Variants in ABCB1 observed in about 807,000 individuals in gnomAD.
ABCB1 encodes the protein ATP binding cassette subfamily B member 1, also known as ATP-dependent translocase ABCB1.
ABCB1 carries 69 observed loss-of-function variants against 142.0 expected under a neutral mutation model. That is an observed-to-expected ratio of 0.49 (90% CI 0.40 to 0.59). The LOEUF (loss-of-function observed/expected upper bound fraction) is 0.59. Among genes scored for constraint, ABCB1 ranks in the 20% least tolerant of loss-of-function variants. The pLI, the probability that ABCB1 is intolerant of heterozygous loss-of-function variation, is 0.00. For synonymous variants in ABCB1, 532 were observed against 539.2 expected, an observed-to-expected ratio of 0.99 and a Z score of 0.18; for missense variants, 1,326 against 1,554.7, an observed-to-expected ratio of 0.85 and a Z score of 2.47.
chr7:87,636,710 G>GT (rs1821811857), intron 1 of ABCB1, among the ~76,000 whole-genome samples: 1 of 152,042 alleles, frequency 6.6e-6, no homozygotes, highest in South Asian at 2.1e-4. Context: ...TCCATCTGTA[G>GT]TTTATTTATG....
chr7:87,570,930 T>C (rs1487734932), intron 4 of ABCB1, among the ~76,000 whole-genome samples: 1 of 152,220 alleles, frequency 6.6e-6, no homozygotes, highest in East Asian at 1.9e-4. Flanking sequence ...AATTTTTTCC[T>C]GTCAGTATAT....
At chr7:87,654,110 C>T (rs1413893696) in intron 1 of ABCB1, among the ~76,000 whole-genome samples, 1 of 151,826 alleles carries the variant, frequency 6.6e-6, no homozygotes, top group East Asian at 1.9e-4. Context: ...TATATGTGTT[C>T]ATAGATTGAA....
intron 25 of ABCB1, among the ~76,000 whole-genome samples, chr7:87,511,060 A>G (rs1201079760): frequency 3.3e-5 from 5 of 152,222 alleles, no homozygotes; most frequent in African/African-American, 2.4e-5. Context: ...GCAAATCTGA[A>G]TGATCTCAGC....
chr7:87,596,102 A>T (rs1447903880), intron 2 of ABCB1, among the ~76,000 whole-genome samples: 1 of 152,062 alleles, frequency 6.6e-6, no homozygotes, highest in Admixed American at 6.5e-5. Context: ...TGATGAATAC[A>T]TACATACACC....
intron 2 of ABCB1, among the ~76,000 whole-genome samples, chr7:87,596,506 G>C (rs1233493542): frequency 2.0e-5 from 3 of 152,024 alleles, no homozygotes; most frequent in East Asian, 3.8e-4. Flanking sequence ...TTTGAGCCCA[G>C]ATACAAATGA....
intron 7 of ABCB1, among the ~76,000 whole-genome samples, chr7:87,564,422 G>C (rs1474581476): frequency 1.3e-5 from 2 of 152,160 alleles, no homozygotes; most frequent in Non-Finnish European, 2.9e-5. Flanking sequence ...GTCGGGAAGA[G>C]TGTGGTGGTT....
intron 14 of ABCB1, among the ~76,000 whole-genome samples, chr7:87,547,321 A>G (rs75681677): frequency 0.012 from 1,755 of 152,340 alleles, 38 homozygotes; most frequent in African/African-American, 0.04. Flanking sequence ...AAAAAGGGGT[A>G]TGTGGAATTT....
intron 1 of ABCB1, among the ~76,000 whole-genome samples, chr7:87,634,493 G>T (rs1384132466): frequency 5.2e-5 from 6 of 114,668 alleles, no homozygotes; most frequent in Non-Finnish European, 9.4e-5. Context: ...GTGGTGGGGG[G>T]TGGGGGGGGG....
chr7:87,607,883 G>A (rs1438336521), intron 1 of ABCB1, among the ~76,000 whole-genome samples: 2 of 152,124 alleles, frequency 1.3e-5, no homozygotes, highest in African/African-American at 2.4e-5. Context: ...AAAACGATTA[G>A]GATAATTTTA....
chr7:87,556,008 G>C (rs1817291519), intron 8 of ABCB1, among the ~76,000 whole-genome samples: 1 of 152,070 alleles, frequency 6.6e-6, no homozygotes, highest in African/African-American at 2.4e-5. Flanking sequence ...GAAAGAAGGG[G>C]GCAAAGGGAA....
intron 1 of ABCB1, among the ~76,000 whole-genome samples, chr7:87,641,891 A>G (rs1337315744): frequency 6.6e-6 from 1 of 152,166 alleles, no homozygotes; most frequent in Non-Finnish European, 1.5e-5. Flanking sequence ...AAATCTTAGT[A>G]TTTACAGAAC....
At chr7:87,701,084 A>G (rs994070816) in intron 1 of ABCB1, among the ~76,000 whole-genome samples, 1 of 152,254 alleles carries the variant, frequency 6.6e-6, no homozygotes, top group Non-Finnish European at 1.5e-5. Context: ...TAAAATGGGA[A>G]GTATGCATAA....
chr7:87,708,086 C>A (rs1038430693), intron 1 of ABCB1, among the ~76,000 whole-genome samples: 54 of 152,016 alleles, frequency 3.6e-4, no homozygotes, highest in African/African-American at 1.3e-3. Flanking sequence ...GTTACCAAAA[C>A]TTTCATCTCA....
chr7:87,608,556 C>G (rs1289779280), intron 1 of ABCB1, among the ~76,000 whole-genome samples: 1 of 152,166 alleles, frequency 6.6e-6, no homozygotes, highest in East Asian at 1.9e-4. Flanking sequence ...TATAACCAAA[C>G]CCTTTGCCCT....
intron 1 of ABCB1, among the ~76,000 whole-genome samples, chr7:87,698,294 G>T (rs1828684082): frequency 6.6e-6 from 1 of 152,022 alleles, no homozygotes; most frequent in Non-Finnish European, 1.5e-5. Context: ...TAGAGAGGGG[G>T]TTTCACCGTG....
intron 25 of ABCB1, among the ~76,000 whole-genome samples, chr7:87,510,500 T>C (rs1160387288): frequency 3.3e-5 from 5 of 152,258 alleles, no homozygotes; most frequent in African/African-American, 9.6e-5. Context: ...GTCTATCAGA[T>C]AGGTCTGCTT....
At chr7:87,673,682 G>A (rs1025356276) in intron 1 of ABCB1, among the ~76,000 whole-genome samples, 4 of 152,090 alleles carry the variant, frequency 2.6e-5, no homozygotes, top group Admixed American at 6.6e-5. Flanking sequence ...ATCTTCATTC[G>A]TATCCATGTT....
At position 87,544,874 on chromosome 7, in the gene ABCB1, A is replaced by C. The variant is rs766339610; in HGVS notation, c.2013T>G (p.Ser671Arg). Residue 671 changes from serine to arginine, a missense_variant, in exon 16 of 28, where the codon AGT becomes AGG. By Grantham distance (110) the Ser-to-Arg change is moderately radical. Coordinates refer to ENST00000622132, the MANE Select transcript of ABCB1 (RefSeq NM_001348946.2). ...TGTCTTGGGCTTGTGATCCACGGAC[A>C]CTCCTACGAGTTGATCTTTTTCTTA... ...SLIRKRSTRR[S>R]VRGSQAQDRK... is the part of the protein sequence containing the mutation. 1 of 1,613,998 alleles carries C rather than the reference A, an allele frequency of 6.2e-7. No individual in the cohort carries two copies. Among genetic ancestry groups the C allele is most frequent in the Non-Finnish European group, 8.5e-7 (1 of 1,179,996 alleles).
chr7:87,615,472 A>G (rs1288240499), intron 1 of ABCB1, among the ~76,000 whole-genome samples: 7 of 152,194 alleles, frequency 4.6e-5, no homozygotes. Context: ...AGAGAAAACC[A>G]TTGAAGAGTT....
Sources: allele counts gnomAD v4.1 joint callset (sites outside exome capture counted in the v4.1 genomes callset), GRCh38; gene constraint gnomAD v4.1.1; transcripts MANE v1.5; gene names NCBI Gene and HGNC (gene_info 2026-07-23, HGNC 2026-07-21).